ACSS2: variants seen among roughly 807,000 people sequenced by gnomAD.
ACSS2 encodes the protein acyl-CoA synthetase short chain family member 2.
Under a neutral mutation model 90.6 loss-of-function variants are expected in ACSS2, and 58 were observed. The observed-to-expected ratio is 0.64, with a 90% CI of 0.52 to 0.80. The LOEUF is 0.80. Among genes scored for constraint, ACSS2 ranks in the 30% least tolerant of loss-of-function variants. ACSS2 has a pLI of 0.00. For missense variants in ACSS2, 759 were observed against 912.0 expected, an observed-to-expected ratio of 0.83 and a Z score of 2.16; for synonymous variants, 300 against 330.9, an observed-to-expected ratio of 0.91 and a Z score of 1.01.
intron 12 of ACSS2, 81 bp from the exon 13 acceptor site, chr20:34,921,705 T>C (rs2081204118): frequency 7.5e-6 from 12 of 1,609,470 alleles, no homozygotes; most frequent in Non-Finnish European, 9.4e-6. Flanking sequence ...TGTGAAGAAT[T>C]TGGGGTTCTG....
At chr20:34,878,936 G>A (rs2079994036) in intron 1 of ACSS2, among the ~76,000 whole-genome samples, 1 of 127,526 alleles carries the variant, frequency 7.8e-6, no homozygotes, top group Admixed American at 1.0e-4. Context: ...ACGGAGTCTC[G>A]CTCTGTCGCC....
At position 34,901,047 on chromosome 20, in the gene ACSS2, A is replaced by G. The variant is rs528508062; in HGVS notation, c.375-12049A>G. ...TAATTAAAATTAAGTAAAATAAATA[A>G]TCCAGTTCTTCCGCCACATTTCTAG... On this transcript the variant is annotated intron_variant, in intron 2 of 17. Transcript: ENST00000360596. Among the ~76,000 whole-genome samples the G allele has an allele frequency of 6.6e-4, 101 of 152,330 alleles. 1 individual carries two copies. The South Asian group carries it at 0.02, about 30-fold the overall frequency.
chr20:34,909,194 C>CAAAA (rs759144830), intron 2 of ACSS2, among the ~76,000 whole-genome samples: 2 of 45,084 alleles, frequency 4.4e-5, no homozygotes, highest in African/African-American at 1.7e-4. Flanking sequence ...CCTGTCTTTG[C>CAAAA]AAAAAAAAAA....
chr20:34,917,910 G>C (rs912954064), intron 7 of ACSS2, among the ~76,000 whole-genome samples: 1 of 151,962 alleles, frequency 6.6e-6, no homozygotes, highest in Non-Finnish European at 1.5e-5. Context: ...CTACCACCAC[G>C]CCTGGCTACT....
At chr20:34,916,666 A>G (rs574441421) in intron 7 of ACSS2, among the ~76,000 whole-genome samples, 1 of 152,364 alleles carries the variant, frequency 6.6e-6, no homozygotes, top group African/African-American at 2.4e-5. Flanking sequence ...TCAAAGCTGC[A>G]AAAATCTTTC....
intron 8 of ACSS2, 41 bp downstream of exon 8, chr20:34,919,613 GTGTGTGTA>G: frequency 1.5e-6 from 2 of 1,309,868 alleles, no homozygotes; most frequent in South Asian, 1.3e-5. Flanking sequence ...GTGTGTGTGT[GTGTGTGTA>G]TTATGTAGGG....
chr20:34,908,151 G>A (rs1383405501), intron 2 of ACSS2, among the ~76,000 whole-genome samples: 11 of 152,220 alleles, frequency 7.2e-5, no homozygotes, highest in Admixed American at 7.2e-4. Flanking sequence ...AGAGCCAGAT[G>A]GTGCTGGTGT....
chr20:34,885,677 A>G (rs2080175145), intron 2 of ACSS2, among the ~76,000 whole-genome samples: 2 of 152,238 alleles, frequency 1.3e-5, no homozygotes, highest in South Asian at 4.1e-4. Context: ...TTTGTTTAAC[A>G]TAGGATTTCC....
At chr20:34,926,840 G>A in intron 16 of ACSS2, 37 bp from the exon 17 acceptor site, 1 of 1,610,052 alleles carries the variant, frequency 6.2e-7, no homozygotes, top group Non-Finnish European at 8.5e-7. Flanking sequence ...TCTGGCTAAG[G>A]GTGCTGAAGA....
intron 14 of ACSS2, among the ~76,000 whole-genome samples, chr20:34,924,411 C>T (rs1394192679): frequency 3.3e-5 from 5 of 152,162 alleles, no homozygotes; most frequent in Non-Finnish European, 7.4e-5. Context: ...TACACAGGAT[C>T]GTCGGAGAAG....
chr20:34,921,623 G>C, intron 12 of ACSS2, 23 bp downstream of exon 12: 1 of 1,614,192 alleles, frequency 6.2e-7, no homozygotes, highest in Non-Finnish European at 8.5e-7. Context: ...TCCCTGGCTG[G>C]TCTTGGGCTA....
At position 34,927,325 on chromosome 20, in the gene ACSS2, C is replaced by T; in HGVS notation, c.*111C>T. The T allele has an allele frequency of 1.4e-6, 2 of 1,438,666 alleles. No homozygotes were observed. Among genetic ancestry groups the T allele is most frequent in the Admixed American group, 1.8e-5 (1 of 56,292 alleles). The allele number at this position is 1,438,666 out of a possible 1,614,324, so 89.1% of individuals were successfully genotyped here. On this transcript the variant is annotated 3_prime_UTR_variant, in exon 18 of 18. Coordinates refer to ENST00000360596, the MANE Select transcript of ACSS2 (RefSeq NM_018677.4). This position sits in a 1 kb window ranked among gnomAD's most constrained non-coding sequence, Gnocchi z 4.2. The stretch of plus-strand genomic sequence containing the variant: ...GTTGACCCACACTACCCTCCCTTGA[C>T]CAGCTGTCTGGGACCGGAAACCAGC...
chr20:34,886,051 A>C (rs971808732), intron 2 of ACSS2, among the ~76,000 whole-genome samples: 1 of 152,164 alleles, frequency 6.6e-6, no homozygotes, highest in African/African-American at 2.4e-5. Flanking sequence ...TAAAGTGCAA[A>C]TATGCCGGAT....
In ACSS2 at chr20:34,919,569, C is replaced by G. The variant is rs1041684199; in HGVS notation, c.969C>G (p.Pro323=). 1.9e-6 allele frequency: 3 copies of G among 1,598,934 alleles called. No individual in the cohort carries two copies. The African/African-American group carries it at 4.3e-5, about 23-fold the overall frequency. The change falls in exon 8 of 18, where the codon CCC becomes CCG. Residue 323 remains proline (P), a synonymous_variant. Coordinates refer to ENST00000360596, the MANE Select transcript of ACSS2 (RefSeq NM_018677.4). ...ILYTSGSTGK[P]KGVVHTVGGY... ...ACACCAGTGGCTCCACAGGCAAACC[C>G]AAGGCAAGTGTGTGTGTGTGTGTGT...
intron 2 of ACSS2, among the ~76,000 whole-genome samples, chr20:34,896,884 T>C (rs1276240266): frequency 6.6e-6 from 1 of 152,052 alleles, no homozygotes; most frequent in South Asian, 2.1e-4. Context: ...AATATAAAAA[T>C]TAGCCTGTGG....
intron 8 of ACSS2, among the ~76,000 whole-genome samples, chr20:34,920,182 T>TC (rs1175709288): frequency 6.6e-6 from 1 of 152,204 alleles, no homozygotes; most frequent in South Asian, 2.1e-4. Context: ...ATCTTTTTTT[T>TC]CCCACTCACT....
chr20:34,895,518 A>C (rs551511965), intron 2 of ACSS2, among the ~76,000 whole-genome samples: 63 of 152,340 alleles, frequency 4.1e-4, no homozygotes, highest in African/African-American at 1.4e-3. Context: ...TACGTGGATG[A>C]ATTAAGATGC....
chr20:34,925,102 CAAATTA>C (rs2081288684), intron 14 of ACSS2, among the ~76,000 whole-genome samples: 1 of 152,174 alleles, frequency 6.6e-6, no homozygotes, highest in Non-Finnish European at 1.5e-5. Flanking sequence ...TGGCATGGAA[CAAATTA>C]TCCCAAAAGT....
chr20:34,886,114 T>A (rs1379804600), intron 2 of ACSS2, among the ~76,000 whole-genome samples: 2 of 152,206 alleles, frequency 1.3e-5, no homozygotes, highest in Non-Finnish European at 2.9e-5. Flanking sequence ...ATGCTTATAC[T>A]GCTATTTTTC....
Sources: gnomAD v4.1 joint callset for allele counts (sites outside exome capture counted in the v4.1 genomes callset) on GRCh38, gnomAD v4.1.1 for gene constraint, Gnocchi (gnomAD v3.1) non-coding constraint, MANE v1.5 for transcripts, NCBI Gene and HGNC (gene_info 2026-07-23, HGNC 2026-07-21) for gene names.